Variants in RAD54L2 observed in about 807,000 individuals in gnomAD.
RAD54L2 encodes helicase ARIP4.
A neutral mutation model predicts 138.4 loss-of-function variants in RAD54L2; 27 were observed. That is an observed-to-expected ratio of 0.20 (90% confidence interval 0.14 to 0.27). The LOEUF (loss-of-function observed/expected upper bound fraction) is 0.27. RAD54L2 is among the 10% of genes least tolerant of loss of function. The pLI is 1.00. For synonymous variants in RAD54L2, 644 were observed against 723.2 expected, an observed-to-expected ratio of 0.89 and a Z score of 1.76; for missense variants, 1,396 against 1,890.2, an observed-to-expected ratio of 0.74 and a Z score of 4.85.
intron 19 of RAD54L2, among the ~76,000 whole-genome samples, chr3:51,648,949 G>A (rs1380296976): frequency 1.3e-5 from 2 of 152,134 alleles, no homozygotes; most frequent in African/African-American, 4.8e-5. Context: ...GACGGAGAAT[G>A]ACTTTGACGA....
At chr3:51,654,886 C>A (rs1035445645) in intron 19 of RAD54L2, among the ~76,000 whole-genome samples, 1 of 152,128 alleles carries the variant, frequency 6.6e-6, no homozygotes, top group African/African-American at 2.4e-5. Flanking sequence ...ACTTCTTACC[C>A]AAATTCTTAG....
intron 3 of RAD54L2, among the ~76,000 whole-genome samples, chr3:51,599,331 A>G (rs1700032221): frequency 6.6e-6 from 1 of 152,164 alleles, no homozygotes; most frequent in African/African-American, 2.4e-5. Flanking sequence ...TCTAGAAAAT[A>G]CAAACCAATC....
intron 3 of RAD54L2, among the ~76,000 whole-genome samples, chr3:51,601,473 A>G (rs1370708236): frequency 6.7e-6 from 1 of 149,462 alleles, no homozygotes; most frequent in Non-Finnish European, 1.5e-5. Context: ...ACGCCCTGCT[A>G]ATTTTTGTAT....
intron 3 of RAD54L2, among the ~76,000 whole-genome samples, chr3:51,620,278 T>TG (rs1700541244): frequency 6.8e-6 from 1 of 147,258 alleles, no homozygotes; most frequent in African/African-American, 2.6e-5. Flanking sequence ...TTTTTTTTTT[T>TG]GTAGAGATGG....
At chr3:51,660,620 T>C (rs1559658983) in intron 22 of RAD54L2, among the ~76,000 whole-genome samples, 2 of 138,144 alleles carry the variant, frequency 1.4e-5, no homozygotes, top group African/African-American at 5.4e-5. Flanking sequence ...CTTTTTGTTT[T>C]GTTTTTTTTG....
At chr3:51,628,968 A>T (rs529053551) in intron 4 of RAD54L2, among the ~76,000 whole-genome samples, 16 of 150,162 alleles carry the variant, frequency 1.1e-4, no homozygotes, top group Middle Eastern at 3.8e-3. Flanking sequence ...CACCTGCCTC[A>T]GCCTCCCAAA....
chr3:51,574,628 G>T (rs1699422020), intron 2 of RAD54L2, among the ~76,000 whole-genome samples: 1 of 152,096 alleles, frequency 6.6e-6, no homozygotes, highest in African/African-American at 2.4e-5. Flanking sequence ...GTGTCTGTTG[G>T]CTGCATAAAT....
chr3:51,563,051 T>C (rs1296684491), intron 2 of RAD54L2, among the ~76,000 whole-genome samples: 1 of 152,142 alleles, frequency 6.6e-6, no homozygotes, highest in Non-Finnish European at 1.5e-5. Context: ...AGCCTCACTC[T>C]TAGTGTTTTT....
intron 20 of RAD54L2, among the ~76,000 whole-genome samples, chr3:51,656,566 C>T (rs1483218005): frequency 6.6e-6 from 1 of 152,168 alleles, no homozygotes. Flanking sequence ...TGAATTGTCA[C>T]TTGCGTCTAC....
chr3:51,604,470 TG>T (rs1388339036), intron 3 of RAD54L2, among the ~76,000 whole-genome samples: 2 of 152,070 alleles, frequency 1.3e-5, no homozygotes, highest in Admixed American at 6.6e-5. Context: ...TTCAGGGAAA[TG>T]GGAGTAGAGG....
intron 3 of RAD54L2, among the ~76,000 whole-genome samples, chr3:51,595,184 G>C (rs1699934620): frequency 6.6e-6 from 1 of 152,058 alleles, no homozygotes; most frequent in Non-Finnish European, 1.5e-5. Context: ...CTTTTACTGA[G>C]GAGCATCCAT....
intron 2 of RAD54L2, among the ~76,000 whole-genome samples, chr3:51,553,910 A>G (rs1465256436): frequency 6.6e-6 from 1 of 152,196 alleles, no homozygotes. Context: ...AAAGCAATGT[A>G]TATACCTTAA....
rs71278623 is a variant in RAD54L2, at chr3:51,594,860, CTTTTTTTTTTTTTTTTT to C, written c.139+4316_139+4332del. ...ATAGGCAACATGGAATTGATGGGCG[CTTTTTTTTTTTTTTTTT>C]TTTTTTTTTTTTTTGACGGAGTCTC... is the stretch of plus-strand genomic sequence containing the variant. On this transcript the variant is annotated intron_variant, in intron 3 of 22. Coordinates refer to ENST00000684192, the MANE Select transcript of RAD54L2 (RefSeq NM_015106.4). Among the ~76,000 whole-genome samples, 57 of 33,600 alleles carry C rather than the reference CTTTTTTTTTTTTTTTTT, an allele frequency of 1.7e-3. 2 individuals carry two copies. The highest frequency in any genetic ancestry group is 5.9e-3 in the African/African-American group (51 of 8,618). The allele number at this position is 33,600 out of a possible 152,430, so 22.0% of individuals were successfully genotyped here.
intron 3 of RAD54L2, among the ~76,000 whole-genome samples, chr3:51,603,250 G>A (rs1182500726): frequency 1.3e-5 from 2 of 151,956 alleles, no homozygotes; most frequent in South Asian, 2.1e-4. Flanking sequence ...TGAGGCTGTA[G>A]TGAGTCAACT....
intron 2 of RAD54L2, among the ~76,000 whole-genome samples, chr3:51,554,251 C>T (rs1387948079): frequency 6.6e-6 from 1 of 151,946 alleles, no homozygotes; most frequent in Non-Finnish European, 1.5e-5. Flanking sequence ...CCTATAATCC[C>T]AGCTATTCTG....
intron 2 of RAD54L2, among the ~76,000 whole-genome samples, chr3:51,581,101 A>C (rs1364541732): frequency 2.0e-5 from 3 of 152,188 alleles, no homozygotes; most frequent in African/African-American, 7.2e-5. Flanking sequence ...TCAGAAAATC[A>C]GCGGTGGTTG....
At chr3:51,614,173 T>C (rs538602516) in intron 3 of RAD54L2, among the ~76,000 whole-genome samples, 9 of 152,202 alleles carry the variant, frequency 5.9e-5, no homozygotes, top group African/African-American at 1.2e-4. Context: ...TTTTTTTTTT[T>C]TCTCTAGAAA....
chr3:51,636,982 C>A lies in RAD54L2; in HGVS notation c.1340-179C>A, dbSNP rs1252526879. On this transcript the variant is annotated intron_variant, in intron 10 of 22. Transcript: ENST00000684192. Reference sequence around the variant, plus strand: ...TGCCAGATTAGCATTCATACCAAGTCATACCAGTCATATCCAGGAGCTTGA... The same window carrying A: ...TGCCAGATTAGCATTCATACCAAGTAATACCAGTCATATCCAGGAGCTTGA... 4.9e-6 allele frequency: 3 copies of A among 609,832 alleles called. No individual in the cohort carries two copies. In the Admixed American group the frequency reaches 8.6e-5, roughly 18 times the overall value. The allele number at this position is 609,832 out of a possible 1,614,324, so 37.8% of individuals were successfully genotyped here.
At chr3:51,625,922 T>A (rs1290868294) in intron 3 of RAD54L2, among the ~76,000 whole-genome samples, 1 of 151,964 alleles carries the variant, frequency 6.6e-6, no homozygotes, top group African/African-American at 2.4e-5. Flanking sequence ...GAAGCTGCCA[T>A]AGTTTAGAGG....
Sources: gnomAD v4.1 joint callset for allele counts (sites outside exome capture counted in the v4.1 genomes callset) on GRCh38, gnomAD v4.1.1 for gene constraint, MANE v1.5 for transcripts, NCBI Gene and HGNC (gene_info 2026-07-23, HGNC 2026-07-21) for gene names.